BAZ2B: variants seen among roughly 807,000 people sequenced by gnomAD.
BAZ2B encodes the protein bromodomain adjacent to zinc finger domain protein 2B.
Under a neutral mutation model 246.0 loss-of-function variants are expected in BAZ2B, and 91 were observed. That is an observed-to-expected ratio of 0.37 (90% CI 0.31 to 0.44). BAZ2B has a LOEUF of 0.44. Ranked by LOEUF, BAZ2B falls within the 20% of genes least tolerant of loss-of-function variation. The pLI is 1.00. For missense variants in BAZ2B, 2,332 were observed against 2,533.7 expected (o/e 0.92, Z 1.71); for synonymous variants, 855 against 860.0 (o/e 0.99, Z 0.10).
At chr2:159,639,858 T>C in the BAZ2B span, among the ~76,000 whole-genome samples, 35 of 152,030 alleles carry the variant, frequency 2.3e-4, no homozygotes, top group Non-Finnish European at 4.0e-4. Context: ...TTATCAATAA[T>C]AACACTAAAT....
chr2:159,650,267 T>C, the BAZ2B span, among the ~76,000 whole-genome samples: 2 of 152,084 alleles, frequency 1.3e-5, no homozygotes, highest in Non-Finnish European at 2.9e-5. Flanking sequence ...TTGTGAATTT[T>C]ATCTTGTGAG....
chr2:159,448,184 A>T, intron 5 of BAZ2B, 58 bp downstream of exon 5: 1 of 1,559,130 alleles, frequency 6.4e-7, no homozygotes, highest in Non-Finnish European at 8.7e-7. Flanking sequence ...CCTGAACATT[A>T]TGAAAATAAT....
intron 1 of BAZ2B, among the ~76,000 whole-genome samples, chr2:159,570,182 G>GT (rs921809897): frequency 3.1e-4 from 12 of 39,208 alleles, no homozygotes; most frequent in South Asian, 1.2e-3. Flanking sequence ...GTTTTTTTTT[G>GT]TTTTTTTTGT....
intron 2 of BAZ2B, among the ~76,000 whole-genome samples, chr2:159,534,887 G>A (rs2085778736): frequency 6.6e-6 from 1 of 152,094 alleles, no homozygotes; most frequent in Admixed American, 6.5e-5. Flanking sequence ...GCTTACAGGT[G>A]TGAGCCACCA....
chr2:159,516,195 A>G (rs2083429450), intron 2 of BAZ2B: 1 of 152,126 alleles, frequency 6.6e-6, no homozygotes, highest in African/African-American at 2.4e-5. Flanking sequence ...TCTATGAAAA[A>G]ACAATGTTAA....
intron 2 of BAZ2B, among the ~76,000 whole-genome samples, chr2:159,529,279 T>C (rs1340987684): frequency 6.6e-6 from 1 of 151,742 alleles, no homozygotes; most frequent in East Asian, 1.9e-4. Flanking sequence ...TTGGCAACAA[T>C]GTGGGCTTTG....
At chr2:159,581,682 T>A (rs1230459074) in intron 1 of BAZ2B, among the ~76,000 whole-genome samples, 1 of 151,962 alleles carries the variant, frequency 6.6e-6, no homozygotes. Context: ...CAAATGTCCA[T>A]CAATGATAGA....
intron 2 of BAZ2B, chr2:159,536,221 TG>T (rs2085967665): frequency 1.3e-5 from 2 of 152,228 alleles, no homozygotes; most frequent in African/African-American, 4.8e-5. Context: ...ATTGATTGAT[TG>T]ATTTTTATTT....
At chr2:159,540,112 A>G (rs1247148299) in intron 2 of BAZ2B, among the ~76,000 whole-genome samples, 1 of 152,276 alleles carries the variant, frequency 6.6e-6, no homozygotes, top group African/African-American at 2.4e-5. Context: ...TTAATGACAG[A>G]AGAAACTTCA....
At chr2:159,360,569 C>T (rs1010883934) in intron 27 of BAZ2B, among the ~76,000 whole-genome samples, 3 of 151,352 alleles carry the variant, frequency 2.0e-5, no homozygotes, top group Admixed American at 2.0e-4. Context: ...ATCAAGCTAC[C>T]ACTTTCTTCA....
At chr2:159,404,469 T>C (rs1190152886) in intron 16 of BAZ2B, 2 of 156,858 alleles carry the variant, frequency 1.3e-5, no homozygotes, top group Admixed American at 1.3e-4. Flanking sequence ...TGAATTTAAT[T>C]TTCTACTAAT....
At chr2:159,468,449 G>A (rs1446945622) in intron 3 of BAZ2B, among the ~76,000 whole-genome samples, 1 of 152,166 alleles carries the variant, frequency 6.6e-6, no homozygotes, top group East Asian at 1.9e-4. Flanking sequence ...GCATGAAAAA[G>A]CAGAAGTGGG....
chr2:159,626,001 C>CAAAA, the BAZ2B span, among the ~76,000 whole-genome samples: 2 of 139,306 alleles, frequency 1.4e-5, no homozygotes, highest in Non-Finnish European at 1.6e-5. Flanking sequence ...AAATGGAAAG[C>CAAAA]AAAAAAAAAA....
chr2:159,411,474 A>G (rs2066828675), intron 14 of BAZ2B, among the ~76,000 whole-genome samples: 2 of 152,238 alleles, frequency 1.3e-5, no homozygotes. Context: ...TAAAAAACCC[A>G]TGAGAAGTAG....
the BAZ2B span, among the ~76,000 whole-genome samples, chr2:159,691,004 G>T: frequency 6.6e-6 from 1 of 151,958 alleles, no homozygotes; most frequent in Non-Finnish European, 1.5e-5. Context: ...TTATGATGAT[G>T]ACTTTAAGGT....
rs147788136 is a variant in BAZ2B at position 159,478,907 on chromosome 2, T to G, written c.-2-186A>C. ...AAAATACCAACTTATGGAATAAGTT[T>G]AAGTATACCAAATCCTCTTGAGTTT... On this transcript the variant is annotated intron_variant, in intron 2 of 36. Transcript: ENST00000392783. 1.3e-4 allele frequency among the ~76,000 whole-genome samples: 20 copies of G among 152,308 alleles called. No homozygotes were observed. In the East Asian group the frequency reaches 3.3e-3, roughly 25 times the overall value.
chr2:159,520,188 C>A (rs1428144072), intron 2 of BAZ2B, among the ~76,000 whole-genome samples: 3 of 152,096 alleles, frequency 2.0e-5, no homozygotes, highest in Non-Finnish European at 4.4e-5. Context: ...TAAAATGTAA[C>A]AATGATGCAT....
At chr2:159,385,715 T>TTGC (rs2062569286) in intron 22 of BAZ2B, among the ~76,000 whole-genome samples, 1 of 152,088 alleles carries the variant, frequency 6.6e-6, no homozygotes, top group African/African-American at 2.4e-5. Context: ...TTATCAGGAA[T>TTGC]GACAGAGTGG....
At chr2:159,610,263 T>G (rs1383181355) in intron 1 of BAZ2B, among the ~76,000 whole-genome samples, 1 of 152,168 alleles carries the variant, frequency 6.6e-6, no homozygotes, top group African/African-American at 2.4e-5. Flanking sequence ...TTCACCAAGC[T>G]TGAAACATTT....
Sources: allele counts gnomAD v4.1 joint callset (sites outside exome capture counted in the v4.1 genomes callset), GRCh38; gene constraint gnomAD v4.1.1; transcripts MANE v1.5; gene names NCBI Gene and HGNC (gene_info 2026-07-23, HGNC 2026-07-21).